Variants in NMNAT2 observed in about 807,000 individuals in gnomAD.
NMNAT2 encodes the protein nicotinamide nucleotide adenylyltransferase 2.
NMNAT2 carries 11 observed loss-of-function variants against 41.6 expected under a neutral mutation model. That is an observed-to-expected ratio of 0.26 (90% CI 0.17 to 0.44). The LOEUF is 0.44. NMNAT2 is among the 20% of genes least tolerant of loss of function. The pLI is 1.00. For missense variants in NMNAT2, 288 were observed against 407.7 expected, an observed-to-expected ratio of 0.71 and a Z score of 2.53; for synonymous variants, 148 against 151.2, an observed-to-expected ratio of 0.98 and a Z score of 0.16.
intron 1 of NMNAT2, among the ~76,000 whole-genome samples, chr1:183,367,948 A>G (rs1199996279): frequency 6.6e-6 from 1 of 152,114 alleles, no homozygotes; most frequent in Non-Finnish European, 1.5e-5. Flanking sequence ...TTCTGTTACT[A>G]GTCTGCAACT....
intron 1 of NMNAT2, among the ~76,000 whole-genome samples, chr1:183,344,588 G>A (rs1226210058): frequency 6.6e-6 from 1 of 152,152 alleles, no homozygotes; most frequent in Non-Finnish European, 1.5e-5. Flanking sequence ...ATAAATGAGT[G>A]GATTAATGCA....
chr1:183,269,215 C>A (rs891673045), intron 8 of NMNAT2, among the ~76,000 whole-genome samples: 2 of 152,206 alleles, frequency 1.3e-5, no homozygotes, highest in South Asian at 2.1e-4. Flanking sequence ...CCAATGAGGC[C>A]ACAGCTAGTA....
At chr1:183,326,157 C>T (rs905914072) in intron 1 of NMNAT2, among the ~76,000 whole-genome samples, 1 of 151,998 alleles carries the variant, frequency 6.6e-6, no homozygotes, top group East Asian at 1.9e-4. Flanking sequence ...GGGTGGATCA[C>T]CTGAAGTCAG....
At chr1:183,272,444 C>A (rs983435842) in intron 8 of NMNAT2, among the ~76,000 whole-genome samples, 1 of 152,162 alleles carries the variant, frequency 6.6e-6, no homozygotes, top group Non-Finnish European at 1.5e-5. Flanking sequence ...AACTCGATGA[C>A]TATGTATGGA....
intron 8 of NMNAT2, among the ~76,000 whole-genome samples, chr1:183,273,797 CTCTT>C (rs1304439981): frequency 2.0e-5 from 3 of 148,410 alleles, no homozygotes; most frequent in African/African-American, 7.5e-5. Context: ...CTTCCTCTCT[CTCTT>C]TCTCTCTTTC....
intron 1 of NMNAT2, among the ~76,000 whole-genome samples, chr1:183,396,162 G>A (rs1257727877): frequency 3.9e-5 from 6 of 152,124 alleles, no homozygotes; most frequent in African/African-American, 1.4e-4. Flanking sequence ...AAGTGCCAGA[G>A]GAGGCTATCT....
chr1:183,382,880 A>G (rs963548053), intron 1 of NMNAT2, among the ~76,000 whole-genome samples: 1 of 152,072 alleles, frequency 6.6e-6, no homozygotes, highest in Non-Finnish European at 1.5e-5. Context: ...AAGTGCACGG[A>G]GCCTGGAGGA....
chr1:183,407,099 G>A (rs1236502146), intron 1 of NMNAT2, among the ~76,000 whole-genome samples: 1 of 152,182 alleles, frequency 6.6e-6, no homozygotes, highest in African/African-American at 2.4e-5. Flanking sequence ...TCATAGGCGT[G>A]AGCCACTGCA....
At chr1:183,403,222 CTG>C (rs1648863901) in intron 1 of NMNAT2, among the ~76,000 whole-genome samples, 1 of 152,228 alleles carries the variant, frequency 6.6e-6, no homozygotes, top group African/African-American at 2.4e-5. Context: ...GCATGAGCCA[CTG>C]CACCCGGCCA....
At chr1:183,290,035 C>T (rs1661498283) in intron 4 of NMNAT2, 93 bp downstream of exon 4, 1 of 1,003,656 alleles carries the variant, frequency 1.0e-6, no homozygotes, top group East Asian at 2.7e-5. Flanking sequence ...GCCAGCAGCA[C>T]CCTCTCCTCT....
At chr1:183,399,841 G>A (rs1043164983) in intron 1 of NMNAT2, among the ~76,000 whole-genome samples, 7 of 152,180 alleles carry the variant, frequency 4.6e-5, no homozygotes, top group Non-Finnish European at 8.8e-5. Context: ...ATACAGAAAA[G>A]GCCTTTGACA....
chr1:183,309,197 AGT>A (rs1432163583), intron 1 of NMNAT2, among the ~76,000 whole-genome samples: 2 of 152,190 alleles, frequency 1.3e-5, no homozygotes, highest in Admixed American at 1.3e-4. Context: ...ATAAGGTCTC[AGT>A]ATATTGCCCA....
At chr1:183,304,982 G>T (rs1033387048) in intron 1 of NMNAT2, 6 of 817,582 alleles carry the variant, frequency 7.3e-6, no homozygotes, top group African/African-American at 1.8e-5. Context: ...GCTTGTAGGA[G>T]CCACTCCGGA....
intron 1 of NMNAT2, among the ~76,000 whole-genome samples, chr1:183,377,535 T>A (rs1239211061): frequency 6.6e-6 from 1 of 152,194 alleles, no homozygotes; most frequent in Non-Finnish European, 1.5e-5. Flanking sequence ...TGGAAGACTT[T>A]GGTGCACTAA....
chr1:183,345,080 G>T (rs1293865247), intron 1 of NMNAT2, among the ~76,000 whole-genome samples: 3 of 151,894 alleles, frequency 2.0e-5, no homozygotes, highest in African/African-American at 4.8e-5. Context: ...ACATCATATT[G>T]TAAACTAAAA....
Position 183,418,208 on chromosome 1 carries a change from G to T in NMNAT2, c.60C>A (p.Ile20=), listed in dbSNP as rs1649308431. 6.2e-7 allele frequency: 1 copy of T among 1,614,034 alleles called. No homozygotes were observed. Among genetic ancestry groups the T allele is most frequent in the African/African-American group, 1.3e-5 (1 of 74,918 alleles). The part of the protein sequence containing the change: ...ILLACGSFNP[I]TKGHIQMFER... Reference sequence around the variant, plus strand: ...CAAACATCTGAATGTGCCCTTTGGTGATGGGATTGAAGCTGCCGCAGGCGA... The same window carrying T: ...CAAACATCTGAATGTGCCCTTTGGTTATGGGATTGAAGCTGCCGCAGGCGA... Residue 20 remains isoleucine (I), a synonymous_variant, in exon 1 of 11, where the codon ATC becomes ATA. Transcript: ENST00000287713.
chr1:183,329,033 T>C (rs910701130), intron 1 of NMNAT2, among the ~76,000 whole-genome samples: 2 of 152,048 alleles, frequency 1.3e-5, no homozygotes, highest in African/African-American at 4.8e-5. Context: ...TAGCAAACAA[T>C]GTATCAGCTA....
chr1:183,414,921 G>A (rs1421413370), intron 1 of NMNAT2, among the ~76,000 whole-genome samples: 1 of 151,986 alleles, frequency 6.6e-6, no homozygotes, highest in Admixed American at 6.6e-5. Context: ...TCAAAGTCTT[G>A]TTTGTGTCTG....
chr1:183,344,777 T>C (rs10911316), intron 1 of NMNAT2, among the ~76,000 whole-genome samples: 64,662 of 152,046 alleles, frequency 0.43, 15,602 homozygotes, highest in East Asian at 0.69. Flanking sequence ...TTTAAAACCA[T>C]ACCTCATTTA....
Sources: gnomAD v4.1 joint callset for allele counts (sites outside exome capture counted in the v4.1 genomes callset) on GRCh38, gnomAD v4.1.1 for gene constraint, MANE v1.5 for transcripts, NCBI Gene and HGNC (gene_info 2026-07-23, HGNC 2026-07-21) for gene names.